The following SNTN variants were observed in gnomAD, a reference collection of about 807,000 sequenced individuals.
The protein encoded by SNTN is sentan, cilia apical structure protein.
In SNTN, 13 loss-of-function variants were observed where a neutral mutation model predicts 12.3. The observed-to-expected ratio is 1.05, with a 90% CI of 0.69 to 1.67. SNTN has a LOEUF of 1.67. SNTN is among the 40% of genes most tolerant of loss of function. The pLI is 0.00. For missense variants in SNTN, 189 were observed against 169.8 expected, an observed-to-expected ratio of 1.11 and a Z score of -0.63; for synonymous variants, 69 against 58.5, an observed-to-expected ratio of 1.18 and a Z score of -0.82.
intron 2 of SNTN, among the ~76,000 whole-genome samples, chr3:63,657,905 T>C (rs1053180834): frequency 6.6e-6 from 1 of 152,214 alleles, no homozygotes; most frequent in Non-Finnish European, 1.5e-5. Flanking sequence ...CAATAAAAAC[T>C]GAGAAGGCCC....
chr3:63,660,034 A>T (rs1700727236), intron 3 of SNTN, among the ~76,000 whole-genome samples, 170 bp downstream of exon 3: 1 of 152,178 alleles, frequency 6.6e-6, no homozygotes, highest in Admixed American at 6.6e-5. Flanking sequence ...TGCAGTGAAG[A>T]CAGCAATCCC....
Position 63,659,872 on chromosome 3 carries a change from A to G in SNTN, c.285+8A>G, listed in dbSNP as rs372990957. 18 of 1,613,646 alleles carry G rather than the reference A, an allele frequency of 1.1e-5. No individual in the cohort carries two copies. Among genetic ancestry groups the G allele is most frequent in the Middle Eastern group, 1.6e-4 (1 of 6,076 alleles). ...TTTAGGAATTTCGCAGAGGTGAGAG[A>G]ATTAACTTGCATAAAGAAACAGAAA... On this transcript the variant is annotated splice_region_variant and intron_variant, in intron 3 of 3. Transcript: ENST00000343837.
intron 2 of SNTN, among the ~76,000 whole-genome samples, chr3:63,655,510 G>A (rs941421991): frequency 3.3e-5 from 5 of 152,024 alleles, no homozygotes; most frequent in African/African-American, 4.8e-5. Context: ...TTACAACACA[G>A]CAGACTGGTG....
In SNTN at chr3:63,660,394, G is replaced by A. The variant is rs1042191083; in HGVS notation, c.285+530G>A. Among the ~76,000 whole-genome samples the A allele has an allele frequency of 7.2e-5, 11 of 152,206 alleles. No individual in the cohort carries two copies. In the South Asian group the frequency reaches 1.0e-3, roughly 14 times the overall value. ...AGAGGAAGCCAGGAACTATGTCTAC[G>A]TCCAGGCCTAAGAAATTACACCAGC... On this transcript the variant is annotated intron_variant, in intron 3 of 3. Transcript: ENST00000343837.
rs1575752456 is a variant in SNTN at position 63,664,296 on chromosome 3, G to A, written c.*201G>A. On this transcript the variant is annotated 3_prime_UTR_variant, in exon 4 of 4. Transcript: ENST00000343837. ...AATGTTTGAATGATAAGGTCTCTGTGTGCTTTACAATAGGATAGATTTGAT... is the reference window on the plus strand; with the variant it reads ...AATGTTTGAATGATAAGGTCTCTGTATGCTTTACAATAGGATAGATTTGAT... The A allele has an allele frequency of 1.7e-5, 9 of 536,250 alleles. No individual in the cohort carries two copies. In the East Asian group the frequency reaches 2.0e-4, roughly 12 times the overall value. 33.2% of individuals were successfully genotyped at this position (536,250 alleles called of 1,614,324 possible).
intron 3 of SNTN, among the ~76,000 whole-genome samples, chr3:63,662,036 T>C (rs1234859734): frequency 6.6e-6 from 1 of 152,128 alleles, no homozygotes; most frequent in Non-Finnish European, 1.5e-5. Flanking sequence ...TTTCTGGATC[T>C]CTCTAGCAGC....
intron 3 of SNTN, among the ~76,000 whole-genome samples, chr3:63,660,291 G>A (rs544616577): frequency 2.0e-5 from 3 of 152,014 alleles, no homozygotes; most frequent in South Asian, 2.1e-4. Flanking sequence ...GGGATGGGAC[G>A]GTAGCTGGGA....
intron 3 of SNTN, among the ~76,000 whole-genome samples, chr3:63,662,897 G>T (rs908551197): frequency 6.6e-6 from 1 of 152,152 alleles, no homozygotes; most frequent in Admixed American, 6.5e-5. Flanking sequence ...CACAAGCTGT[G>T]ATTTGAAATT....
At chr3:63,657,863 C>T (rs150101951) in intron 2 of SNTN, among the ~76,000 whole-genome samples, 4,192 of 152,218 alleles carry the variant, frequency 0.028, 100 homozygotes, top group South Asian at 0.099. Context: ...TTTATTTAAC[C>T]AAATATATAG....
intron 1 of SNTN, among the ~76,000 whole-genome samples, chr3:63,654,559 A>G (rs1700654907): frequency 6.6e-6 from 1 of 152,242 alleles, no homozygotes; most frequent in South Asian, 2.1e-4. Flanking sequence ...ATACGTGGGT[A>G]GCTGGCCAGC....
intron 3 of SNTN, among the ~76,000 whole-genome samples, chr3:63,662,503 C>G (rs796682289): frequency 1.2e-4 from 18 of 152,294 alleles, no homozygotes; most frequent in African/African-American, 4.3e-4. Context: ...AAATGGTGTG[C>G]TCTTAAAATA....
intron 2 of SNTN, among the ~76,000 whole-genome samples, chr3:63,657,544 T>C (rs747309554): frequency 9.2e-5 from 14 of 152,182 alleles, no homozygotes; most frequent in Non-Finnish European, 1.9e-4. Flanking sequence ...TTCCTCGTTA[T>C]CTTTTATTTT....
intron 1 of SNTN, among the ~76,000 whole-genome samples, chr3:63,653,544 A>G (rs947338232): frequency 6.6e-6 from 1 of 152,170 alleles, no homozygotes; most frequent in African/African-American, 2.4e-5. Flanking sequence ...AGTTCCCTCA[A>G]GTAGTTAATG....
intron 3 of SNTN, 145 bp from the exon 4 acceptor site, chr3:63,663,792 C>T (rs905556297): frequency 9.7e-7 from 1 of 1,029,450 alleles, no homozygotes; most frequent in Non-Finnish European, 1.5e-6. Flanking sequence ...GAATTGTAAG[C>T]CAAATTTTTC....
chr3:63,655,028 C>T (rs1700661255), intron 2 of SNTN, among the ~76,000 whole-genome samples: 1 of 152,140 alleles, frequency 6.6e-6, no homozygotes, highest in African/African-American at 2.4e-5. Context: ...GAGATGAGAC[C>T]ATGGATCCCC....
intron 2 of SNTN, among the ~76,000 whole-genome samples, chr3:63,657,896 A>G (rs761642396): frequency 1.3e-5 from 2 of 152,180 alleles, no homozygotes; most frequent in Non-Finnish European, 2.9e-5. Context: ...TCAGAGATAC[A>G]ATAAAAACTG....
Position 63,664,902 on chromosome 3 carries a change from G to A in SNTN, c.*807G>A, listed in dbSNP as rs968357218. Among the ~76,000 whole-genome samples, 5 of 152,140 alleles carry A rather than the reference G, an allele frequency of 3.3e-5. No homozygotes were observed. Among genetic ancestry groups the A allele is most frequent in the African/African-American group, 1.2e-4 (5 of 41,428 alleles). On this transcript the variant is annotated 3_prime_UTR_variant, in exon 4 of 4. Transcript: ENST00000343837. ...TGAGTAGCTGGGATTACAGGCGTGT[G>A]CCACGATGCCAGGCTAATTTTTTTT...
intron 3 of SNTN, among the ~76,000 whole-genome samples, chr3:63,660,152 A>G (rs1436785508): frequency 6.6e-6 from 1 of 152,208 alleles, no homozygotes; most frequent in East Asian, 1.9e-4. Context: ...TGGGGCAGGT[A>G]ATCAAAGATG....
intron 2 of SNTN, among the ~76,000 whole-genome samples, chr3:63,657,797 G>A (rs950289682): frequency 2.6e-5 from 4 of 152,136 alleles, no homozygotes; most frequent in African/African-American, 9.7e-5. Flanking sequence ...TCTTTCTATG[G>A]ACTTTGAAGT....
Sources: allele counts gnomAD v4.1 joint callset (sites outside exome capture counted in the v4.1 genomes callset), GRCh38; gene constraint gnomAD v4.1.1; transcripts MANE v1.5; gene names NCBI Gene and HGNC (gene_info 2026-07-23, HGNC 2026-07-21).